CIMAP3: variants seen among roughly 807,000 people sequenced by gnomAD.
CIMAP3 encodes ciliary microtubule-associated protein 3.
chr1:111,325,576 C>T, the CIMAP3 span, among the ~76,000 whole-genome samples: 46,122 of 151,918 alleles, frequency 0.3, 7,673 homozygotes, highest in South Asian at 0.42. Context: ...TATTTATTAT[C>T]CTAAAATTAG....
At chr1:111,343,171 G>C in the CIMAP3 span, among the ~76,000 whole-genome samples, 4 of 151,928 alleles carry the variant, frequency 2.6e-5, no homozygotes, top group East Asian at 7.7e-4. Flanking sequence ...AATTCATCTT[G>C]TCATTTAATT....
chr1:111,348,439 T>A, the CIMAP3 span: 1 of 1,363,562 alleles, frequency 7.3e-7, no homozygotes, highest in Non-Finnish European at 9.8e-7. Flanking sequence ...ATGATTCTGT[T>A]TTTTCTACCT....
At chr1:111,337,617 C>G in the CIMAP3 span, among the ~76,000 whole-genome samples, 64 of 152,254 alleles carry the variant, frequency 4.2e-4, 1 homozygote, top group African/African-American at 1.5e-3. Flanking sequence ...ACATAATGGT[C>G]AAGGGATCAA....
chr1:111,325,532 C>A, the CIMAP3 span, among the ~76,000 whole-genome samples: 6 of 152,142 alleles, frequency 3.9e-5, no homozygotes, highest in Admixed American at 6.6e-5. Context: ...GATTCTCAAT[C>A]CTGCTTTGAG....
chr1:111,350,168 G>T, the CIMAP3 span: 3 of 1,614,072 alleles, frequency 1.9e-6, no homozygotes, highest in South Asian at 3.3e-5. Context: ...ATGAAATTTG[G>T]ATCTCCAGAC....
At chr1:111,348,543 C>T in the CIMAP3 span, 1 of 1,607,728 alleles carries the variant, frequency 6.2e-7, no homozygotes, top group Non-Finnish European at 8.5e-7. Context: ...AGGCAGGTAC[C>T]AGAAAGTAAG....
chr1:111,341,478 G>A, the CIMAP3 span, among the ~76,000 whole-genome samples: 1,204 of 152,266 alleles, frequency 7.9e-3, 16 homozygotes, highest in African/African-American at 0.027. Flanking sequence ...ACAAATGTGG[G>A]CCTGGGATCA....
the CIMAP3 span, chr1:111,346,740 A>T: frequency 6.3e-7 from 1 of 1,581,382 alleles, no homozygotes; most frequent in Non-Finnish European, 8.7e-7. Context: ...GCTGGGAAAG[A>T]CGAAGTGGGA....
At chr1:111,336,499 T>C in the CIMAP3 span, among the ~76,000 whole-genome samples, 1 of 152,114 alleles carries the variant, frequency 6.6e-6, no homozygotes, top group Non-Finnish European at 1.5e-5. Flanking sequence ...AGAGAAGTGC[T>C]TAAAGGAGCT....
At chr1:111,341,032 A>G in the CIMAP3 span, among the ~76,000 whole-genome samples, 4 of 151,204 alleles carry the variant, frequency 2.6e-5, no homozygotes, top group Admixed American at 2.6e-4. Flanking sequence ...CAGCCATAAA[A>G]AATGATGAGT....
chr1:111,324,783 G>A, the CIMAP3 span: 4 of 985,202 alleles, frequency 4.1e-6, no homozygotes, highest in African/African-American at 1.7e-5. Context: ...TGCCCAGAAC[G>A]ACTGAGGAAT....
the CIMAP3 span, among the ~76,000 whole-genome samples, chr1:111,345,135 C>G: frequency 6.6e-6 from 1 of 152,132 alleles, no homozygotes; most frequent in Non-Finnish European, 1.5e-5. Context: ...ACAAAGTTGC[C>G]TAATGACACA....
the CIMAP3 span, among the ~76,000 whole-genome samples, chr1:111,332,538 G>A: frequency 2.6e-5 from 4 of 152,204 alleles, no homozygotes; most frequent in Non-Finnish European, 5.9e-5. Flanking sequence ...GGCCTGAGAC[G>A]TAGGCACAGG....
the CIMAP3 span, among the ~76,000 whole-genome samples, chr1:111,345,121 C>G: frequency 6.6e-6 from 1 of 152,132 alleles, no homozygotes; most frequent in Admixed American, 6.5e-5. Flanking sequence ...ATGACGTTCG[C>G]AAAACAAAGT....
the CIMAP3 span, among the ~76,000 whole-genome samples, chr1:111,331,128 C>T: frequency 1.3e-5 from 2 of 152,166 alleles, no homozygotes; most frequent in African/African-American, 2.4e-5. Flanking sequence ...TCTCTTGCTG[C>T]TTTCAAAATT....
the CIMAP3 span, chr1:111,346,996 T>TTTGTCCC: frequency 6.2e-7 from 1 of 1,614,032 alleles, no homozygotes; most frequent in Non-Finnish European, 8.5e-7. Context: ...TGGGAACAAG[T>TTTGTCCC]TTGTCCCTCT....
At chr1:111,336,868 G>A in the CIMAP3 span, among the ~76,000 whole-genome samples, 1 of 151,974 alleles carries the variant, frequency 6.6e-6, no homozygotes, top group African/African-American at 2.4e-5. Context: ...TACTCCTAGA[G>A]AAGAGCAACT....
chr1:111,334,441 G>T, the CIMAP3 span, among the ~76,000 whole-genome samples: 1 of 152,158 alleles, frequency 6.6e-6, no homozygotes, highest in Non-Finnish European at 1.5e-5. Flanking sequence ...AAACAAGCCA[G>T]ACAGAGAAGG....
At chr1:111,346,502 GC>G in the CIMAP3 span, 2 of 1,197,812 alleles carry the variant, frequency 1.7e-6, no homozygotes, top group South Asian at 1.4e-5. Context: ...GCGGGTTCCT[GC>G]CCCAGTAGTG....
Sources: allele counts gnomAD v4.1 joint callset (sites outside exome capture counted in the v4.1 genomes callset), GRCh38; gene constraint gnomAD v4.1.1; transcripts MANE v1.5; gene names NCBI Gene and HGNC (gene_info 2026-07-23, HGNC 2026-07-21).